Variants in UVSSA observed in about 807,000 individuals in gnomAD.
UVSSA encodes UV-stimulated scaffold protein A.
Under a neutral mutation model 73.9 loss-of-function variants are expected in UVSSA, and 72 were observed. The observed-to-expected ratio is 0.97, with a 90% confidence interval of 0.81 to 1.19. The LOEUF (loss-of-function observed/expected upper bound fraction) is 1.19, where lower values mean the gene tolerates loss of function less well. UVSSA is among the 50% of genes most tolerant of loss of function. UVSSA has a pLI of 0.00. For synonymous variants in UVSSA, 454 were observed against 391.3 expected (o/e 1.16, Z -1.89); for missense variants, 1,150 against 965.0 (o/e 1.19, Z -2.54).
chr4:1,383,049 G>A (rs1250271476), intron 12 of UVSSA, among the ~76,000 whole-genome samples: 2 of 152,230 alleles, frequency 1.3e-5, no homozygotes, highest in Non-Finnish European at 2.9e-5. Context: ...TGTGACCCCC[G>A]AGGGCCTCAG....
intron 7 of UVSSA, among the ~76,000 whole-genome samples, chr4:1,357,635 A>G (rs114087518): frequency 1.1e-3 from 165 of 152,342 alleles, no homozygotes; most frequent in African/African-American, 3.8e-3. Context: ...TTGCACCCAC[A>G]TCTCCACCTC....
chr4:1,389,375 GGTTTT>G (rs1434018891), downstream of UVSSA: 1 of 151,882 alleles, frequency 6.6e-6, no homozygotes, highest in Non-Finnish European at 1.5e-5. Context: ...TTCTGTCTTT[GGTTTT>G]GTTTTGTTTG....
At chr4:1,369,698 C>G (rs544012257) in intron 8 of UVSSA, among the ~76,000 whole-genome samples, 1 of 152,234 alleles carries the variant, frequency 6.6e-6, no homozygotes, top group Non-Finnish European at 1.5e-5. Context: ...GCCGCCTGGG[C>G]GCAGAGGCCC....
intron 7 of UVSSA, among the ~76,000 whole-genome samples, chr4:1,357,709 G>C (rs1159080974): frequency 2.0e-5 from 3 of 152,172 alleles, no homozygotes; most frequent in Non-Finnish European, 4.4e-5. Context: ...TGAGTGTTCA[G>C]CTCAGCCTGG....
At chr4:1,362,047 C>T (rs890829746) in intron 7 of UVSSA, among the ~76,000 whole-genome samples, 3 of 152,226 alleles carry the variant, frequency 2.0e-5, no homozygotes, top group Admixed American at 6.5e-5. Context: ...TCTCCTCTTC[C>T]TTTCCTTCTC....
In UVSSA at chr4:1,354,719, G is replaced by C; in HGVS notation, c.935-16G>C. On this transcript the variant is annotated splice_polypyrimidine_tract_variant and intron_variant, in intron 5 of 13. Coordinates refer to ENST00000389851, the MANE Select transcript of UVSSA (RefSeq NM_020894.4). ...CAGTCGGCGCCCTCTTGTGACCTCT[G>C]TGTGCTTCTCCCCAGAGGGCCTGAA... 1 of 1,610,794 alleles carries C rather than the reference G, an allele frequency of 6.2e-7. No individual in the cohort carries two copies. Among genetic ancestry groups the C allele is most frequent in the South Asian group, 1.1e-5 (1 of 90,704 alleles).
rs367913811 is a variant in UVSSA, at chr4:1,368,854, G to A, written c.1288+2423G>A. Among the ~76,000 whole-genome samples the A allele has an allele frequency of 6.4e-4, 97 of 152,354 alleles. 3 individuals are homozygous for A. In the South Asian group the frequency reaches 0.015, roughly 24 times the overall value. On this transcript the variant is annotated intron_variant, in intron 8 of 13. Transcript: ENST00000389851. ...AAGTGTGCACAGCTGGTGCACTGGC[G>A]GCTGGTTCTTTCGCTGCAGCCGCAG...
chr4:1,380,029 C>T lies in UVSSA; in HGVS notation c.1569-18C>T, dbSNP rs771285215. On this transcript the variant is annotated intron_variant, in intron 10 of 13. Coordinates refer to ENST00000389851, the MANE Select transcript of UVSSA (RefSeq NM_020894.4). ...GGGTCCCTGCAGATGCTATGAGGGC[C>T]TCTGGCTGTGTCTGCAGGTCTGACT... 23 of 1,585,518 alleles carry T rather than the reference C, an allele frequency of 1.5e-5. No homozygotes were observed. Among genetic ancestry groups the T allele is most frequent in the Non-Finnish European group, 1.7e-5 (20 of 1,165,056 alleles).
intron 4 of UVSSA, among the ~76,000 whole-genome samples, chr4:1,352,446 A>G (rs1293581198): frequency 2.6e-5 from 4 of 152,172 alleles, no homozygotes; most frequent in African/African-American, 9.7e-5. Context: ...TGCCCAGACA[A>G]TGAGGAGGCT....
At chr4:1,395,698 G>T (rs1720534793) in exon 14 of UVSSA, 1 of 1,614,018 alleles carries the variant, frequency 6.2e-7, no homozygotes, top group Admixed American at 1.7e-5. Context: ...GTGCCCGCCT[G>T]CTCACACAAA....
At chr4:1,366,293 G>A in intron 7 of UVSSA, 27 bp from the exon 8 acceptor site, 1 of 1,571,374 alleles carries the variant, frequency 6.4e-7, no homozygotes, top group Non-Finnish European at 8.7e-7. Context: ...TCTGGGGGTT[G>A]ATTTGTATTG....
At chr4:1,368,653 C>T (rs908473129) in intron 8 of UVSSA, among the ~76,000 whole-genome samples, 4 of 152,232 alleles carry the variant, frequency 2.6e-5, no homozygotes, top group Non-Finnish European at 4.4e-5. Context: ...GCAGGTACAC[C>T]GAGCCTCACA....
chr4:1,354,909 G>C (rs911396652), intron 6 of UVSSA, 62 bp downstream of exon 6: 2 of 1,454,312 alleles, frequency 1.4e-6, no homozygotes, highest in Admixed American at 3.8e-5. Flanking sequence ...TGCATGGGGG[G>C]GGTCCCTTTC....
chr4:1,364,631 C>G (rs967278581), intron 7 of UVSSA, among the ~76,000 whole-genome samples: 1 of 152,188 alleles, frequency 6.6e-6, no homozygotes. Context: ...TAAGGGTCCC[C>G]TTGCTTGGTA....
chr4:1,350,915 G>T (rs761340236), intron 3 of UVSSA, among the ~76,000 whole-genome samples: 1 of 152,122 alleles, frequency 6.6e-6, no homozygotes, highest in African/African-American at 2.4e-5. Context: ...TGTTGATGAT[G>T]TTGTTTTTGA....
rs1215761031 is a variant in UVSSA, at chr4:1,387,360, G to A, written c.*1399G>A. On this transcript the variant is annotated 3_prime_UTR_variant, in exon 14 of 14. Transcript: ENST00000389851. ...CATAGTGCTGGGATTACAGGTGTGA[G>A]CCACCGCACTCAGCTGATTTGCAAA... 6.6e-6 allele frequency: 1 copy of A among 152,192 alleles called. No homozygotes were observed. Among genetic ancestry groups the A allele is most frequent in the African/African-American group, 2.4e-5 (1 of 41,432 alleles). The allele number at this position is 152,192 out of a possible 1,614,324, so 9.4% of individuals were successfully genotyped here.
intron 2 of UVSSA, among the ~76,000 whole-genome samples, chr4:1,348,467 T>A (rs910900056): frequency 2.0e-5 from 3 of 152,244 alleles, no homozygotes; most frequent in Non-Finnish European, 4.4e-5. Flanking sequence ...AGTGCACAAA[T>A]GTGATTCAGA....
chr4:1,380,110 CATCTCCGAG>C lies in UVSSA; in HGVS notation c.1635_1643del (p.Ile545_Glu547del). On this transcript the variant is annotated inframe_deletion, in exon 11 of 14. Coordinates refer to ENST00000389851, the MANE Select transcript of UVSSA (RefSeq NM_020894.4). ...TGGAGGAGGAAGTGGTCAATGCCGA[CATCTCCGAG>C]ATGCTCCGGAGCCGCCACATCACTT... 1 of 1,612,844 alleles carries C rather than the reference CATCTCCGAG, an allele frequency of 6.2e-7. No individual in the cohort carries two copies. The highest frequency in any genetic ancestry group is 8.5e-7 in the Non-Finnish European group (1 of 1,179,884).
At chr4:1,358,428 C>T (rs1048461592) in intron 7 of UVSSA, 2 of 152,308 alleles carry the variant, frequency 1.3e-5, no homozygotes, top group Admixed American at 6.5e-5. Flanking sequence ...GTTGAATGGA[C>T]ACTTTCTAGA....
Sources: gnomAD v4.1 joint callset for allele counts (sites outside exome capture counted in the v4.1 genomes callset) on GRCh38, gnomAD v4.1.1 for gene constraint, MANE v1.5 for transcripts, NCBI Gene and HGNC (gene_info 2026-07-23, HGNC 2026-07-21) for gene names.